PRKCQ: variants seen among roughly 807,000 people sequenced by gnomAD.
The protein encoded by PRKCQ is protein kinase C theta.
Under a neutral mutation model 91.2 loss-of-function variants are expected in PRKCQ, and 41 were observed. The observed-to-expected ratio is 0.45, with a 90% CI of 0.35 to 0.58. PRKCQ has a LOEUF of 0.58. PRKCQ is among the 20% of genes least tolerant of loss of function. PRKCQ has a pLI of 0.00. For missense variants in PRKCQ, 673 were observed against 896.5 expected (o/e 0.75, Z 3.18); for synonymous variants, 307 against 316.9 (o/e 0.97, Z 0.33).
At chr10:6,555,936 G>A (rs999660942) in intron 1 of PRKCQ, among the ~76,000 whole-genome samples, 5 of 152,152 alleles carry the variant, frequency 3.3e-5, no homozygotes, top group East Asian at 1.9e-4. Flanking sequence ...TTGAAACCGG[G>A]AGGCAGAGGT....
intron 2 of PRKCQ, among the ~76,000 whole-genome samples, chr10:6,513,909 C>T (rs1397231542): frequency 2.0e-5 from 3 of 152,182 alleles, no homozygotes; most frequent in African/African-American, 7.2e-5. Context: ...TAAAATAACA[C>T]ACATCCCTGC....
intron 1 of PRKCQ, among the ~76,000 whole-genome samples, chr10:6,523,751 T>G (rs768508031): frequency 9.9e-5 from 15 of 152,222 alleles, no homozygotes; most frequent in Non-Finnish European, 1.6e-4. Context: ...CATGAATAGA[T>G]AGTCCCACTA....
intron 4 of PRKCQ, among the ~76,000 whole-genome samples, chr10:6,505,084 G>A (rs1422202028): frequency 1.3e-5 from 2 of 151,796 alleles, no homozygotes; most frequent in Non-Finnish European, 2.9e-5. Context: ...TAGTAGAGAC[G>A]GGGTTCCACC....
intron 1 of PRKCQ, among the ~76,000 whole-genome samples, chr10:6,561,839 G>C (rs1350499277): frequency 6.6e-6 from 1 of 152,150 alleles, no homozygotes; most frequent in African/African-American, 2.4e-5. Context: ...GATAGAACTT[G>C]CTGTTTTTAA....
At chr10:6,435,228 T>C (rs1238627688) in intron 16 of PRKCQ, among the ~76,000 whole-genome samples, 4 of 152,242 alleles carry the variant, frequency 2.6e-5, no homozygotes, top group African/African-American at 9.6e-5. Flanking sequence ...ATCCATGCCC[T>C]AGGTGGGCCA....
intron 1 of PRKCQ, among the ~76,000 whole-genome samples, chr10:6,548,075 T>A (rs1240190013): frequency 6.6e-6 from 1 of 152,150 alleles, no homozygotes; most frequent in Non-Finnish European, 1.5e-5. Context: ...GGGTGAAGGA[T>A]ATGAGCAGAC....
intron 17 of PRKCQ, among the ~76,000 whole-genome samples, chr10:6,429,490 C>T (rs542323900): frequency 2.0e-5 from 3 of 152,078 alleles, no homozygotes; most frequent in Non-Finnish European, 4.4e-5. Flanking sequence ...GCACCTGCTT[C>T]TTCTGGCCAT....
At chr10:6,529,772 T>C (rs1213934261) in intron 1 of PRKCQ, among the ~76,000 whole-genome samples, 2 of 152,216 alleles carry the variant, frequency 1.3e-5, no homozygotes, top group African/African-American at 2.4e-5. Flanking sequence ...AGGTATATAA[T>C]GGACCCACTT....
intron 12 of PRKCQ, among the ~76,000 whole-genome samples, chr10:6,469,274 G>A (rs541122086): frequency 6.6e-6 from 1 of 152,298 alleles, no homozygotes; most frequent in African/African-American, 2.4e-5. Flanking sequence ...GACCAAGAAG[G>A]ATCGTGACAA....
At chr10:6,502,419 G>C (rs1837967771) in intron 4 of PRKCQ, among the ~76,000 whole-genome samples, 1 of 152,236 alleles carries the variant, frequency 6.6e-6, no homozygotes, top group African/African-American at 2.4e-5. Flanking sequence ...ACAGAGCTAA[G>C]GTTCCTCAGG....
chr10:6,475,906 G>A (rs75569085), intron 12 of PRKCQ, among the ~76,000 whole-genome samples: 226 of 152,280 alleles, frequency 1.5e-3, no homozygotes, highest in African/African-American at 5.0e-3. Context: ...CTTGAGATCT[G>A]AGTCTTGAGC....
intron 12 of PRKCQ, among the ~76,000 whole-genome samples, chr10:6,473,563 T>C (rs903127903): frequency 6.6e-5 from 10 of 152,358 alleles, no homozygotes; most frequent in Admixed American, 2.6e-4. Context: ...AAAAGAGGCT[T>C]ATCTGTCACT....
At chr10:6,403,311 T>G in the PRKCQ span, among the ~76,000 whole-genome samples, 2 of 152,204 alleles carry the variant, frequency 1.3e-5, no homozygotes, top group African/African-American at 4.8e-5. Context: ...AGTGTCTTAG[T>G]CGGAGTAGGG....
In PRKCQ at chr10:6,575,901, GTGGCAGCGCGTGCCTA is replaced by G. The variant is rs58188141; in HGVS notation, c.-10+4294_-10+4309del. On this transcript the variant is annotated intron_variant, in intron 1 of 17. Coordinates refer to ENST00000263125, the MANE Select transcript of PRKCQ (RefSeq NM_006257.5). ...CTAAAAATACAAAAGTTAGCTGGGTGTGGCAGCGCGTGCCTATAGTCCCAGCTACTCAGGAGGCTGA... is the reference window on the plus strand; with the variant it reads ...CTAAAAATACAAAAGTTAGCTGGGTGTAGTCCCAGCTACTCAGGAGGCTGA... Among the ~76,000 whole-genome samples the G allele has an allele frequency of 3.2e-3, 483 of 152,268 alleles. 1 individual carries two copies. The highest frequency in any genetic ancestry group is 0.011 in the African/African-American group (461 of 41,546).
chr10:6,491,616 C>T, intron 8 of PRKCQ, 67 bp downstream of exon 8: 1 of 1,584,406 alleles, frequency 6.3e-7, no homozygotes, highest in East Asian at 2.3e-5. Context: ...CTCCAGTTCC[C>T]CAGAAAGCCT....
chr10:6,403,723 A>G, the PRKCQ span, among the ~76,000 whole-genome samples: 1 of 152,172 alleles, frequency 6.6e-6, no homozygotes, highest in Admixed American at 6.5e-5. Context: ...TATCTCTCCT[A>G]TTGAAATGGA....
chr10:6,430,748 G>A lies in PRKCQ; in HGVS notation c.1965+62C>T. 1 of 1,578,238 alleles carries A rather than the reference G, an allele frequency of 6.3e-7. No individual in the cohort carries two copies. The highest frequency in any genetic ancestry group is 8.6e-7 in the Non-Finnish European group (1 of 1,160,380). On this transcript the variant is annotated intron_variant, in intron 17 of 17. Transcript: ENST00000263125. This position sits in a 1 kb window ranked among gnomAD's most constrained non-coding sequence, Gnocchi z 4.7. ...TGAGCAGCTGCGGTGACTTGGACAG[G>A]CAGACGGCCCTGAGCGGAGGGAGAG...
intron 15 of PRKCQ, among the ~76,000 whole-genome samples, chr10:6,446,850 G>T (rs1433103961): frequency 2.0e-5 from 3 of 152,206 alleles, no homozygotes; most frequent in Non-Finnish European, 4.4e-5. Flanking sequence ...GGAAAGCAGC[G>T]AGAGAGGAAC....
intron 4 of PRKCQ, among the ~76,000 whole-genome samples, chr10:6,499,140 T>C (rs187578024): frequency 6.6e-6 from 1 of 152,278 alleles, no homozygotes; most frequent in Admixed American, 6.5e-5. Flanking sequence ...ATGTCCACAG[T>C]GATCAGACAC....
Sources: allele counts gnomAD v4.1 joint callset (sites outside exome capture counted in the v4.1 genomes callset), GRCh38; gene constraint gnomAD v4.1.1; non-coding constraint Gnocchi (gnomAD v3.1); transcripts MANE v1.5; gene names NCBI Gene and HGNC (gene_info 2026-07-23, HGNC 2026-07-21).